FOXJ2: variants seen among roughly 807,000 people sequenced by gnomAD.
The protein encoded by FOXJ2 is forkhead box J2.
Under a neutral mutation model 68.4 loss-of-function variants are expected in FOXJ2, and 18 were observed. The observed-to-expected ratio is 0.26, with a 90% CI of 0.18 to 0.39. The LOEUF (loss-of-function observed/expected upper bound fraction) is 0.39. Among genes scored for constraint, FOXJ2 ranks in the 10% least tolerant of loss-of-function variants. The probability of loss-of-function intolerance (pLI) is 1.00; values close to 1 mark genes in which losing one functional copy is unlikely to be tolerated. For synonymous variants in FOXJ2, 274 were observed against 263.2 expected (o/e 1.04, Z -0.40); for missense variants, 670 against 726.5 (o/e 0.92, Z 0.89).
At chr12:8,036,970 T>C (rs773892807) in intron 1 of FOXJ2, among the ~76,000 whole-genome samples, 1 of 152,098 alleles carries the variant, frequency 6.6e-6, no homozygotes, top group East Asian at 1.9e-4. Context: ...GTGCCTATAA[T>C]CCCAGCTACT....
intron 5 of FOXJ2, 97 bp downstream of exon 5, chr12:8,044,188 T>C (rs992584685): frequency 3.7e-5 from 49 of 1,338,402 alleles, no homozygotes; most frequent in Non-Finnish European, 4.5e-5. Flanking sequence ...ATCTGTGATA[T>C]ATGAGGCAGA....
At chr12:8,036,197 C>G (rs912996048) in intron 1 of FOXJ2, among the ~76,000 whole-genome samples, 4 of 152,216 alleles carry the variant, frequency 2.6e-5, no homozygotes, top group Admixed American at 2.0e-4. Context: ...TGTGCTACAC[C>G]TAGCCACTGC....
intron 9 of FOXJ2, 137 bp downstream of exon 9, chr12:8,049,708 T>C: frequency 1.4e-6 from 1 of 706,152 alleles, no homozygotes; most frequent in South Asian, 2.5e-5. Context: ...GTTTATCAGT[T>C]GACTGAATAT....
chr12:8,042,170 G>A (rs1243733821), intron 2 of FOXJ2, among the ~76,000 whole-genome samples: 5 of 152,146 alleles, frequency 3.3e-5, no homozygotes, highest in Non-Finnish European at 7.4e-5. Flanking sequence ...GAGCCACCAC[G>A]CCTGACCCCA....
intron 7 of FOXJ2, 29 bp downstream of exon 7, chr12:8,048,318 G>C (rs986049251): frequency 3.3e-6 from 5 of 1,521,172 alleles, no homozygotes; most frequent in Middle Eastern, 1.8e-4. Flanking sequence ...CAGTGATCTA[G>C]AGGAGGGTGG....
intron 5 of FOXJ2, among the ~76,000 whole-genome samples, chr12:8,044,380 G>C (rs929731402): frequency 6.6e-6 from 1 of 152,098 alleles, no homozygotes; most frequent in Non-Finnish European, 1.5e-5. Flanking sequence ...CTTGAGACCC[G>C]CCTATCCAAC....
Position 8,039,955 on chromosome 12 carries a change from G to T in FOXJ2, c.123G>T (p.Lys41Asn). The change falls in exon 2 of 11, where the codon AAG becomes AAT. Residue 41 changes from lysine to asparagine, a missense_variant. Lys to Asn is a moderately conservative substitution (Grantham distance 94). Coordinates refer to ENST00000162391, the MANE Select transcript of FOXJ2 (RefSeq NM_018416.3). ...SQAGPPGSSRKCSPGSPTDPN... is the reference protein window; with the variant it reads ...SQAGPPGSSRNCSPGSPTDPN... ...CTGGGCCTCCCGGGAGCAGCCGCAA[G>T]TGTTCACCAGGGTCACCCACAGATC... The T allele has an allele frequency of 6.2e-7, 1 of 1,614,098 alleles. No individual in the cohort carries two copies. Among genetic ancestry groups the T allele is most frequent in the Non-Finnish European group, 8.5e-7 (1 of 1,180,022 alleles).
Position 8,047,820 on chromosome 12 carries a change from A to C in FOXJ2, c.818-62A>C, listed in dbSNP as rs896702981. Reference sequence around the variant, plus strand: ...GAGGCTTCCCATCTCAACCCAGGGAAAATCCCATTTTGTGAAAAATGCATT... The same window carrying C: ...GAGGCTTCCCATCTCAACCCAGGGACAATCCCATTTTGTGAAAAATGCATT... On this transcript the variant is annotated intron_variant, in intron 6 of 10. Transcript: ENST00000162391. 6 of 1,523,024 alleles carry C rather than the reference A, an allele frequency of 3.9e-6. No individual in the cohort carries two copies. In the African/African-American group the frequency reaches 6.9e-5, roughly 18 times the overall value. The allele number at this position is 1,523,024 out of a possible 1,614,324, so 94.3% of individuals were successfully genotyped here.
chr12:8,050,508 T>C lies in FOXJ2; in HGVS notation c.1538-14T>C. 3 of 1,609,684 alleles carry C rather than the reference T, an allele frequency of 1.9e-6. No homozygotes were observed. The highest frequency in any genetic ancestry group is 1.7e-6 in the Non-Finnish European group (2 of 1,178,452). ...CCCCCCCCAACTCAAGTAACTCTTG[T>C]CTTGCTTTGGCAGTGAACTCTTATG... On this transcript the variant is annotated splice_polypyrimidine_tract_variant and intron_variant, in intron 9 of 10. Transcript: ENST00000162391.
Position 8,032,903 on chromosome 12 carries a change from G to C in FOXJ2, c.-945G>C, listed in dbSNP as rs946879351. ...TGCTGCCGCCACAGTAGCAGGGACC[G>C]GAGTCTCGAGCCGCGGCCTCCCGGA... is the stretch of plus-strand genomic sequence containing the variant. On this transcript the variant is annotated 5_prime_UTR_variant, in exon 1 of 11. Coordinates refer to ENST00000162391, the MANE Select transcript of FOXJ2 (RefSeq NM_018416.3). The surrounding 1 kb of genome is among the most constrained non-coding windows in gnomAD (Gnocchi z 4.8). 2.5e-6 allele frequency: 1 copy of C among 398,200 alleles called. No individual in the cohort carries two copies. Among genetic ancestry groups the C allele is most frequent in the Non-Finnish European group, 4.4e-6 (1 of 225,858 alleles). The allele number at this position is 398,200 out of a possible 1,614,324, so 24.7% of individuals were successfully genotyped here.
rs772026843 is a variant in FOXJ2 at position 8,045,486 on chromosome 12, A to G, written c.817+528A>G. Among the ~76,000 whole-genome samples the G allele has an allele frequency of 6.8e-4, 103 of 150,822 alleles. 1 individual carries two copies. In the South Asian group the frequency reaches 0.021, roughly 31 times the overall value. On this transcript the variant is annotated intron_variant, in intron 6 of 10. Transcript: ENST00000162391. ...CTGCCTTGGCCACCCAAAGTGTTGG[A>G]ATTACAGGCATGAGTCACTGTGCCT...
intron 9 of FOXJ2, 35 bp from the exon 10 acceptor site, chr12:8,050,487 C>T (rs1273702956): frequency 3.1e-6 from 5 of 1,602,250 alleles, no homozygotes; most frequent in African/African-American, 2.7e-5. Context: ...GACCCGCCCC[C>T]CCCAACTCAA....
chr12:8,049,816 A>G, intron 9 of FOXJ2: 1 of 444,728 alleles, frequency 2.2e-6, no homozygotes, highest in East Asian at 3.3e-5. Context: ...ATTGTTTAAG[A>G]AAAGGGAGGA....
chr12:8,040,125 A>T lies in FOXJ2; in HGVS notation c.293A>T (p.Asp98Val). ...AGCGAGATTTACCGCTGGATCTGTG[A>T]TAACTTCCCCTATTACAAGAATGCT... is the stretch of plus-strand genomic sequence containing the variant. ...TLSEIYRWIC[D>V]NFPYYKNAGI... The change falls in exon 2 of 11, where the codon GAT (aspartate) becomes GTT (valine). Residue 98 changes from aspartate (D) to valine (V), a missense_variant. Physicochemically the swap from Asp to Val is radical, Grantham distance 152. Around this residue, in one of 2 missense-constraint regions of FOXJ2, gnomAD observed 115 missense variants for 164.3 expected, o/e 0.70. Coordinates refer to ENST00000162391, the MANE Select transcript of FOXJ2 (RefSeq NM_018416.3). The surrounding 1 kb of genome is among the most constrained non-coding windows in gnomAD (Gnocchi z 4.0). 1.2e-6 allele frequency: 2 copies of T among 1,614,192 alleles called. No homozygotes were observed. The highest frequency in any genetic ancestry group is 1.7e-6 in the Non-Finnish European group (2 of 1,180,032).
rs1707753421 is a variant in FOXJ2, at chr12:8,053,039, C to G, written c.*189C>G. On this transcript the variant is annotated 3_prime_UTR_variant, in exon 11 of 11. Coordinates refer to ENST00000162391, the MANE Select transcript of FOXJ2 (RefSeq NM_018416.3). This position sits in a 1 kb window ranked among gnomAD's most constrained non-coding sequence, Gnocchi z 4.1. The stretch of plus-strand genomic sequence containing the variant: ...ACCCTCTCTTTCCTGCCTCATTCTT[C>G]TCTCTTCCTTCCTGTTTTTTCCTAG... 3.1e-6 allele frequency: 1 copy of G among 327,024 alleles called. No homozygotes were observed. Among genetic ancestry groups the G allele is most frequent in the Non-Finnish European group, 5.6e-6 (1 of 179,212 alleles). 20.3% of individuals were successfully genotyped at this position (327,024 alleles called of 1,614,324 possible).
chr12:8,050,714 C>T (rs1416122126), intron 10 of FOXJ2, 94 bp downstream of exon 10: 12 of 1,372,192 alleles, frequency 8.7e-6, no homozygotes, highest in Non-Finnish European at 1.2e-5. Flanking sequence ...GCATTTTTGC[C>T]TGCATCTCGC....
chr12:8,046,748 A>G (rs1161056132), intron 6 of FOXJ2, among the ~76,000 whole-genome samples: 1 of 152,232 alleles, frequency 6.6e-6, no homozygotes, highest in Non-Finnish European at 1.5e-5. Context: ...TCTGTGCAGT[A>G]GCCCTATGTT....
intron 6 of FOXJ2, 144 bp from the exon 7 acceptor site, chr12:8,047,734 GCCAC>G: frequency 9.4e-7 from 1 of 1,059,124 alleles, no homozygotes; most frequent in Non-Finnish European, 1.4e-6. Flanking sequence ...TGCCAGGAGG[GCCAC>G]AGGGATCTTT....
chr12:8,051,671 G>C (rs1484739095), intron 10 of FOXJ2, among the ~76,000 whole-genome samples: 1 of 152,070 alleles, frequency 6.6e-6, no homozygotes, highest in East Asian at 1.9e-4. Context: ...TGGGGGTGGG[G>C]CAGGGAGACA....
Sources: gnomAD v4.1 joint callset for allele counts (sites outside exome capture counted in the v4.1 genomes callset) on GRCh38, gnomAD v4.1.1 for gene constraint, gnomAD v4.1.1 regional missense constraint, Gnocchi (gnomAD v3.1) non-coding constraint, MANE v1.5 for transcripts, NCBI Gene and HGNC (gene_info 2026-07-23, HGNC 2026-07-21) for gene names.